ANKRD13C: variants seen among roughly 807,000 people sequenced by gnomAD.
ANKRD13C encodes ankyrin repeat domain 13C, also known as ankyrin repeat domain-containing protein 13C.
In ANKRD13C, 16 loss-of-function variants were observed where a neutral mutation model predicts 65.5. The ratio of observed to expected loss-of-function variants is 0.24; its 90% CI spans 0.17 to 0.37. ANKRD13C has a LOEUF of 0.37. ANKRD13C is among the 10% of genes least tolerant of loss of function. ANKRD13C has a pLI of 1.00. For synonymous variants in ANKRD13C, 235 were observed against 238.7 expected (o/e 0.98, Z 0.14); for missense variants, 503 against 655.9 (o/e 0.77, Z 2.55).
At chr1:70,312,004 C>G (rs1011174603) in intron 5 of ANKRD13C, among the ~76,000 whole-genome samples, 1 of 151,958 alleles carries the variant, frequency 6.6e-6, no homozygotes, top group Non-Finnish European at 1.5e-5. Flanking sequence ...TTTCTCAAGA[C>G]AGTAGAAAAC....
At chr1:70,311,110 TA>T (rs1256830580) in intron 5 of ANKRD13C, among the ~76,000 whole-genome samples, 4 of 152,220 alleles carry the variant, frequency 2.6e-5, no homozygotes, top group Admixed American at 2.6e-4. Flanking sequence ...AGAAAAACCT[TA>T]ATCATCCATG....
At chr1:70,328,829 A>G (rs988165792) in intron 2 of ANKRD13C, among the ~76,000 whole-genome samples, 1 of 152,166 alleles carries the variant, frequency 6.6e-6, no homozygotes, top group Non-Finnish European at 1.5e-5. Flanking sequence ...TAGTAAGAAG[A>G]GGGGATGATA....
chr1:70,346,634 T>A (rs375410458), intron 1 of ANKRD13C, among the ~76,000 whole-genome samples: 168 of 152,284 alleles, frequency 1.1e-3, no homozygotes, highest in African/African-American at 3.8e-3. Flanking sequence ...CTCTCAAAAA[T>A]GCTAATATAC....
chr1:70,264,870 A>G (rs531248046), intron 12 of ANKRD13C, among the ~76,000 whole-genome samples: 20 of 152,280 alleles, frequency 1.3e-4, no homozygotes, highest in Admixed American at 1.2e-3. Flanking sequence ...CCAAAGGAAA[A>G]CCTCAATGAA....
chr1:70,353,707 CAGA>C (rs980210687), intron 1 of ANKRD13C, among the ~76,000 whole-genome samples: 34 of 152,112 alleles, frequency 2.2e-4, no homozygotes, highest in African/African-American at 8.2e-4. Flanking sequence ...TCTGACAGTC[CAGA>C]ATCAGCAAAT....
chr1:70,327,577 G>A (rs1312902981), intron 2 of ANKRD13C, among the ~76,000 whole-genome samples: 1 of 152,064 alleles, frequency 6.6e-6, no homozygotes, highest in Non-Finnish European at 1.5e-5. Context: ...GACATTCTGG[G>A]AACAATTGGA....
chr1:70,265,178 A>G (rs1233306259), intron 12 of ANKRD13C, among the ~76,000 whole-genome samples: 1 of 152,156 alleles, frequency 6.6e-6, no homozygotes, highest in African/African-American at 2.4e-5. Flanking sequence ...GGGTAGTACT[A>G]TAACTGGAGT....
At chr1:70,328,557 G>A (rs766064091) in intron 2 of ANKRD13C, among the ~76,000 whole-genome samples, 30 of 152,154 alleles carry the variant, frequency 2.0e-4, no homozygotes, top group Non-Finnish European at 7.3e-5. Context: ...CAGCTACTTG[G>A]AGGCTGAGTC....
chr1:70,265,955 G>C (rs1055748777), intron 12 of ANKRD13C, among the ~76,000 whole-genome samples: 3 of 143,936 alleles, frequency 2.1e-5, no homozygotes, highest in African/African-American at 8.7e-5. Context: ...GAAGGAAGGA[G>C]GAAGCAAGGG....
Position 70,309,589 on chromosome 1 carries a change from G to C in ANKRD13C, c.710-3299C>G, listed in dbSNP as rs913006737. Among the ~76,000 whole-genome samples, 98 of 149,940 alleles carry C rather than the reference G, an allele frequency of 6.5e-4. 1 individual carries two copies. Among genetic ancestry groups the C allele is most frequent in the Non-Finnish European group, 1.3e-3 (85 of 67,324 alleles). On this transcript the variant is annotated intron_variant, in intron 5 of 12. Coordinates refer to ENST00000370944, the MANE Select transcript of ANKRD13C (RefSeq NM_030816.5). ...AAAATACAAAAAATTAGCCGGGCGTGGTGGCGGGCGCCTGTAGTCCCAGCT... is the reference window on the plus strand; with the variant it reads ...AAAATACAAAAAATTAGCCGGGCGTCGTGGCGGGCGCCTGTAGTCCCAGCT...
chr1:70,298,206 T>TA (rs1034787815), intron 7 of ANKRD13C, among the ~76,000 whole-genome samples: 3 of 152,194 alleles, frequency 2.0e-5, no homozygotes, highest in Non-Finnish European at 4.4e-5. Flanking sequence ...GAACACTGTA[T>TA]AACCCATTGT....
chr1:70,271,553 C>T (rs1258957667), intron 11 of ANKRD13C, among the ~76,000 whole-genome samples: 10 of 152,098 alleles, frequency 6.6e-5, no homozygotes, highest in Admixed American at 1.3e-4. Flanking sequence ...TCTTCAGTTG[C>T]CTCCATACAT....
At chr1:70,345,160 TG>T (rs1260728469) in intron 1 of ANKRD13C, among the ~76,000 whole-genome samples, 1 of 152,106 alleles carries the variant, frequency 6.6e-6, no homozygotes, top group Non-Finnish European at 1.5e-5. Context: ...CTGGGCGCGG[TG>T]GCTCACTCCT....
intron 9 of ANKRD13C, among the ~76,000 whole-genome samples, chr1:70,286,850 G>A (rs1679644360): frequency 6.6e-6 from 1 of 152,294 alleles, no homozygotes; most frequent in South Asian, 2.1e-4. Context: ...GCCGGGCGTG[G>A]TGGTGGGTAC....
At position 70,260,354 on chromosome 1, in the gene ANKRD13C, A is replaced by T. The variant is rs1572000505; in HGVS notation, c.*2363T>A. On this transcript the variant is annotated 3_prime_UTR_variant, in exon 13 of 13. Transcript: ENST00000370944. ...GGATACCATACCAGTGGGCAAGAATATTAACCATTTCTAAATGGCTATTGA... is the reference window on the plus strand; with the variant it reads ...GGATACCATACCAGTGGGCAAGAATTTTAACCATTTCTAAATGGCTATTGA... 6.6e-6 allele frequency among the ~76,000 whole-genome samples: 1 copy of T among 152,310 alleles called. No individual in the cohort carries two copies. Among genetic ancestry groups the T allele is most frequent in the South Asian group, 2.1e-4 (1 of 4,828 alleles).
At chr1:70,318,027 C>T (rs958951899) in intron 3 of ANKRD13C, among the ~76,000 whole-genome samples, 4 of 152,070 alleles carry the variant, frequency 2.6e-5, no homozygotes, top group African/African-American at 9.7e-5. Context: ...TAATGGCAAC[C>T]ACTGTATATA....
At chr1:70,337,929 A>G (rs566670096) in intron 1 of ANKRD13C, among the ~76,000 whole-genome samples, 12 of 152,206 alleles carry the variant, frequency 7.9e-5, no homozygotes, top group African/African-American at 2.2e-4. Context: ...GAGAAGCCCC[A>G]TCTCTACTAA....
chr1:70,262,943 T>TA (rs34241203), intron 12 of ANKRD13C, 96 bp from the exon 13 acceptor site: 44,033 of 459,496 alleles, frequency 0.096, 1,126 homozygotes, highest in Non-Finnish European at 0.11. Context: ...CCTTAAAATG[T>TA]AAAAAAAAAA....
At chr1:70,346,314 A>G (rs1264591259) in intron 1 of ANKRD13C, among the ~76,000 whole-genome samples, 1 of 152,182 alleles carries the variant, frequency 6.6e-6, no homozygotes, top group African/African-American at 2.4e-5. Context: ...CCTTGTTTTA[A>G]TTTTTAAAAA....
Sources: allele counts gnomAD v4.1 joint callset (sites outside exome capture counted in the v4.1 genomes callset), GRCh38; gene constraint gnomAD v4.1.1; transcripts MANE v1.5; gene names NCBI Gene and HGNC (gene_info 2026-07-23, HGNC 2026-07-21).